ASTN1: variants seen among roughly 807,000 people sequenced by gnomAD.
ASTN1 encodes the protein astrotactin-1.
ASTN1 carries 41 observed loss-of-function variants against 140.7 expected under a neutral mutation model. That is an observed-to-expected ratio of 0.29 (90% CI 0.23 to 0.38). The LOEUF (loss-of-function observed/expected upper bound fraction) is 0.38. ASTN1 is among the 10% of genes least tolerant of loss of function. ASTN1 has a pLI of 1.00. For synonymous variants in ASTN1, 640 were observed against 652.2 expected (o/e 0.98, Z 0.29); for missense variants, 1,479 against 1,678.8 (o/e 0.88, Z 2.08).
chr1:177,153,156 C>A (rs1209001434), intron 1 of ASTN1, among the ~76,000 whole-genome samples: 1 of 152,078 alleles, frequency 6.6e-6, no homozygotes, highest in Non-Finnish European at 1.5e-5. Context: ...TAGATTAATG[C>A]CTTCCTTGGA....
rs1165650406 is a variant in ASTN1, at chr1:177,023,396, C to T, written c.1438+8G>A. 3 of 1,578,298 alleles carry T rather than the reference C, an allele frequency of 1.9e-6. No homozygotes were observed. The East Asian group carries it at 6.9e-5, about 37-fold the overall frequency. On this transcript the variant is annotated splice_region_variant and intron_variant, in intron 7 of 22. Coordinates refer to ENST00000361833, the MANE Select transcript of ASTN1 (RefSeq NM_004319.3). ...GACAGTTACCCGCTGCCCGGTGCTC[C>T]CGCCTACCAGTTTCGGGGTCACATT... is the stretch of plus-strand genomic sequence containing the variant.
In ASTN1 at chr1:177,105,707, C is replaced by T. The variant is rs1680517624; in HGVS notation, c.284-44442G>A. 2.0e-5 allele frequency among the ~76,000 whole-genome samples: 3 copies of T among 151,518 alleles called. No homozygotes were observed. In the South Asian group the frequency reaches 6.2e-4, roughly 32 times the overall value. On this transcript the variant is annotated intron_variant, in intron 1 of 22. Transcript: ENST00000361833. ...CTTGGTTAAATGATAATAATTATTG[C>T]TGCACTGATTGAGAAATTGGTATAT...
intron 2 of ASTN1, among the ~76,000 whole-genome samples, chr1:177,037,442 C>T (rs1248677390): frequency 2.0e-5 from 3 of 152,216 alleles, no homozygotes; most frequent in African/African-American, 7.2e-5. Flanking sequence ...ATCACACACA[C>T]AAGGCTTTAC....
chr1:176,996,151 C>T (rs1195105728), intron 8 of ASTN1, among the ~76,000 whole-genome samples: 1 of 152,036 alleles, frequency 6.6e-6, no homozygotes, highest in Non-Finnish European at 1.5e-5. Flanking sequence ...AAAATTATTT[C>T]ATTCACAATA....
At chr1:177,072,235 T>A (rs1392452598) in intron 1 of ASTN1, among the ~76,000 whole-genome samples, 1 of 152,230 alleles carries the variant, frequency 6.6e-6, no homozygotes, top group East Asian at 1.9e-4. Flanking sequence ...TGTCAGGAGT[T>A]TGAAGAGTTT....
chr1:177,039,544 C>A (rs778205096), intron 2 of ASTN1, among the ~76,000 whole-genome samples: 1 of 152,178 alleles, frequency 6.6e-6, no homozygotes, highest in African/African-American at 2.4e-5. Context: ...AGTTGGATAA[C>A]TTCTCAAGGT....
chr1:176,959,365 A>G (rs1227231762), intron 9 of ASTN1, among the ~76,000 whole-genome samples: 4 of 152,102 alleles, frequency 2.6e-5, no homozygotes, highest in Admixed American at 1.3e-4. Flanking sequence ...GATGCTTACA[A>G]TTAAACAGAA....
At position 176,862,385 on chromosome 1, in the gene ASTN1, A is replaced by AG. The variant is rs1667998703; in HGVS notation, c.*1898dup. On this transcript the variant is annotated 3_prime_UTR_variant, in exon 23 of 23. Coordinates refer to ENST00000361833, the MANE Select transcript of ASTN1 (RefSeq NM_004319.3). ...GAGGAGGGCCATGTGCAGTGGAACT[A>AG]GGGGTCCCAAGGGTGCTCTAGCTCC... The AG allele has an allele frequency of 1.0e-5, 10 of 985,344 alleles. No individual in the cohort carries two copies. The highest frequency in any genetic ancestry group is 1.2e-5 in the Non-Finnish European group (10 of 829,982). The allele number at this position is 985,344 out of a possible 1,614,324, so 61.0% of individuals were successfully genotyped here.
chr1:176,960,045 ACAC>A (rs1314701352), intron 9 of ASTN1, among the ~76,000 whole-genome samples: 2 of 152,138 alleles, frequency 1.3e-5, no homozygotes, highest in Non-Finnish European at 2.9e-5. Flanking sequence ...ATACACACAC[ACAC>A]TCACAAACAC....
At chr1:176,998,278 C>A (rs1299682564) in intron 8 of ASTN1, among the ~76,000 whole-genome samples, 1 of 152,124 alleles carries the variant, frequency 6.6e-6, no homozygotes, top group African/African-American at 2.4e-5. Context: ...ATGCTTGTCA[C>A]ATGGAAAGCA....
intron 8 of ASTN1, among the ~76,000 whole-genome samples, chr1:176,988,319 A>G (rs1416329493): frequency 1.3e-5 from 2 of 148,970 alleles, no homozygotes; most frequent in Admixed American, 6.7e-5. Flanking sequence ...TATATTGGGA[A>G]AAAAAAAAAA....
At chr1:176,991,678 C>A (rs1028834598) in intron 8 of ASTN1, among the ~76,000 whole-genome samples, 5 of 152,120 alleles carry the variant, frequency 3.3e-5, no homozygotes, top group Non-Finnish European at 7.3e-5. Context: ...AGTCTAAGAT[C>A]TAATCTTCAT....
chr1:176,870,227 C>T (rs528761331), intron 21 of ASTN1, among the ~76,000 whole-genome samples: 1 of 152,320 alleles, frequency 6.6e-6, no homozygotes, highest in East Asian at 1.9e-4. Flanking sequence ...AACGTTTTGT[C>T]TTGGATGCAG....
At chr1:177,069,073 G>C (rs1175955440) in intron 1 of ASTN1, among the ~76,000 whole-genome samples, 2 of 151,954 alleles carry the variant, frequency 1.3e-5, no homozygotes, top group African/African-American at 4.8e-5. Flanking sequence ...GCCCACCTCA[G>C]CCTCTCAAAG....
chr1:176,929,366 A>G, intron 16 of ASTN1, among the ~76,000 whole-genome samples: 1 of 152,238 alleles, frequency 6.6e-6, no homozygotes, highest in South Asian at 2.1e-4. Flanking sequence ...TATGTGGCTC[A>G]GAGACTGGAG....
chr1:177,030,246 CT>C lies in ASTN1; in HGVS notation c.1013-506del, dbSNP rs1360423725. Among the ~76,000 whole-genome samples, 25 of 152,220 alleles carry C rather than the reference CT, an allele frequency of 1.6e-4. 1 individual carries two copies. The highest frequency in any genetic ancestry group is 1.4e-3 in the Admixed American group (21 of 15,286). ...AAATCCTTTAAATCAGAGATAAACT[CT>C]GCTAACATTTCATGTGTATACTCTC... On this transcript the variant is annotated intron_variant, in intron 4 of 22. Coordinates refer to ENST00000361833, the MANE Select transcript of ASTN1 (RefSeq NM_004319.3).
chr1:177,033,808 G>T (rs1301394648), intron 2 of ASTN1, among the ~76,000 whole-genome samples: 2 of 152,116 alleles, frequency 1.3e-5, no homozygotes, highest in Non-Finnish European at 2.9e-5. Flanking sequence ...ACTGCCAGAG[G>T]TGAGGATGCA....
intron 1 of ASTN1, among the ~76,000 whole-genome samples, chr1:177,146,776 T>A (rs1682737842): frequency 6.6e-6 from 1 of 152,188 alleles, no homozygotes. Flanking sequence ...TTCAAAAAAA[T>A]TTCAGCCAAA....
chr1:177,142,510 GA>G (rs1363037875), intron 1 of ASTN1, among the ~76,000 whole-genome samples: 1 of 152,082 alleles, frequency 6.6e-6, no homozygotes, highest in Non-Finnish European at 1.5e-5. Context: ...GAGTAGTTTG[GA>G]AAGCCAGGCA....
Sources: gnomAD v4.1 joint callset for allele counts (sites outside exome capture counted in the v4.1 genomes callset) on GRCh38, gnomAD v4.1.1 for gene constraint, MANE v1.5 for transcripts, NCBI Gene and HGNC (gene_info 2026-07-23, HGNC 2026-07-21) for gene names.